The following DHX40 variants were observed in gnomAD, a reference collection of about 807,000 sequenced individuals.
DHX40 encodes the protein DEAH-box helicase 40, also known as probable ATP-dependent RNA helicase DHX40.
A neutral mutation model predicts 89.6 loss-of-function variants in DHX40; 28 were observed. The ratio of observed to expected loss-of-function variants is 0.31; its 90% confidence interval spans 0.23 to 0.43. The LOEUF (loss-of-function observed/expected upper bound fraction) is 0.43, where lower values mean the gene tolerates loss of function less well. DHX40 is among the 20% of genes least tolerant of loss of function. The probability of loss-of-function intolerance (pLI) is 1.00; values close to 1 mark genes in which losing one functional copy is unlikely to be tolerated. For missense variants in DHX40, 457 were observed against 844.0 expected, an observed-to-expected ratio of 0.54 and a Z score of 5.68; for synonymous variants, 226 against 283.6, an observed-to-expected ratio of 0.80 and a Z score of 2.04.
chr17:59,576,961 C>T (rs966107246), intron 7 of DHX40: 6 of 343,894 alleles, frequency 1.7e-5, no homozygotes, highest in African/African-American at 1.3e-4. Context: ...CCTCTGCCTC[C>T]CAGATTCAAG....
At position 59,566,629 on chromosome 17, in the gene DHX40, G is replaced by A. The variant is rs759142376; in HGVS notation, c.115G>A (p.Glu39Lys). 6.3e-7 allele frequency: 1 copy of A among 1,579,540 alleles called. No homozygotes were observed. The highest frequency in any genetic ancestry group is 2.1e-5 in the Admixed American group (1 of 48,462). Residue 39 changes from glutamate (E) to lysine (K), a missense_variant and splice_region_variant, in exon 2 of 18, where the codon GAG becomes AAG. Transcript: ENST00000251241. ...GACTTGTTTTTCTGTTATTACAGAA[G>A]AGAAAGGATGCACGTCCCAGGAGGG... ...LSAVCIADRE[E>K]KGCTSQEGGT...
intron 10 of DHX40, among the ~76,000 whole-genome samples, chr17:59,585,555 T>A (rs918101965): frequency 2.0e-5 from 3 of 150,276 alleles, no homozygotes; most frequent in African/African-American, 7.5e-5. Flanking sequence ...AAACCCTGTC[T>A]CTACTAAAAT....
intron 14 of DHX40, among the ~76,000 whole-genome samples, chr17:59,601,297 A>G (rs1318105619): frequency 6.6e-6 from 1 of 152,166 alleles, no homozygotes; most frequent in Non-Finnish European, 1.5e-5. Context: ...TGACAGAGTA[A>G]GACCCTGACT....
At position 59,607,152 on chromosome 17, in the gene DHX40, AC is replaced by A; in HGVS notation, c.2321del (p.Thr774AsnfsTer47). ...KQQRTQDHSDTRKETG is the reference protein window; with the variant it reads ...KQQRTQDHSDXRKETG ...GCAGAGGACCCAGGACCACAGTGAC[AC>A]ACGAAAGGAAACAGGCTAAGGTGGT... On this transcript the variant is annotated frameshift_variant, in exon 18 of 18. Coordinates refer to ENST00000251241, the MANE Select transcript of DHX40 (RefSeq NM_024612.5). LOFTEE classifies it high-confidence loss of function. The A allele has an allele frequency of 6.2e-7, 1 of 1,614,248 alleles. No individual in the cohort carries two copies. The highest frequency in any genetic ancestry group is 1.3e-5 in the African/African-American group (1 of 75,062).
In DHX40 at chr17:59,587,984, C is replaced by T; in HGVS notation, c.1513C>T (p.Leu505=). The T allele has an allele frequency of 6.2e-7, 1 of 1,613,708 alleles. No homozygotes were observed. Among genetic ancestry groups the T allele is most frequent in the Non-Finnish European group, 8.5e-7 (1 of 1,179,806 alleles). ...ATGTGCAGTAATAAAAGCTGCTTCC[C>T]TGGATTGTGAAGATCTACTACTTCC... ...LTCAVIKAAS[L]DCEDLLLPIA... is the part of the protein sequence containing the mutation. Residue 505 remains leucine, a synonymous_variant, in exon 12 of 18, where the codon CTG becomes TTG. Transcript: ENST00000251241.
intron 3 of DHX40, among the ~76,000 whole-genome samples, chr17:59,571,914 G>A (rs1044929370): frequency 6.6e-6 from 1 of 152,002 alleles, no homozygotes; most frequent in Non-Finnish European, 1.5e-5. Flanking sequence ...TGCCTACTCC[G>A]GGTACCTCAT....
At chr17:59,587,222 TTC>T (rs892822745) in intron 11 of DHX40, among the ~76,000 whole-genome samples, 73 of 63,248 alleles carry the variant, frequency 1.2e-3, no homozygotes, top group Middle Eastern at 0.018. Context: ...CAAAGACATC[TTC>T]TTTTTTTTTG....
At chr17:59,588,986 A>C (rs1187612335) in intron 12 of DHX40, among the ~76,000 whole-genome samples, 1 of 151,942 alleles carries the variant, frequency 6.6e-6, no homozygotes, top group Non-Finnish European at 1.5e-5. Flanking sequence ...ATATCAGCTG[A>C]CTATTCTTAT....
chr17:59,599,897 C>G (rs2143347119), intron 14 of DHX40, among the ~76,000 whole-genome samples: 1 of 149,442 alleles, frequency 6.7e-6, no homozygotes, highest in Admixed American at 6.7e-5. Flanking sequence ...GATCTCGGCT[C>G]ACTGCAATCT....
At position 59,596,957 on chromosome 17, in the gene DHX40, C is replaced by T. The variant is rs892410515; in HGVS notation, c.1583-1780C>T. Among the ~76,000 whole-genome samples the T allele has an allele frequency of 1.2e-4, 18 of 147,874 alleles. No individual in the cohort carries two copies. In the East Asian group the frequency reaches 3.4e-3, roughly 28 times the overall value. On this transcript the variant is annotated intron_variant, in intron 12 of 17. Coordinates refer to ENST00000251241, the MANE Select transcript of DHX40 (RefSeq NM_024612.5). ...ATAGGGAATAGGAATTGTGATGTGA[C>T]GTGTTAGATTGAAGGAAAGGATCCC... is the stretch of plus-strand genomic sequence containing the variant.
At chr17:59,596,526 C>T in intron 12 of DHX40, among the ~76,000 whole-genome samples, 1 of 152,172 alleles carries the variant, frequency 6.6e-6, no homozygotes, top group Non-Finnish European at 1.5e-5. Context: ...CAAGATTGCA[C>T]CACTGCACTC....
At chr17:59,567,239 C>T (rs554655871) in intron 2 of DHX40, among the ~76,000 whole-genome samples, 9 of 152,158 alleles carry the variant, frequency 5.9e-5, no homozygotes, top group Admixed American at 3.3e-4. Flanking sequence ...CTTTAAAATA[C>T]GTTAAGTAAA....
chr17:59,605,967 TAA>T (rs569471094), intron 17 of DHX40, among the ~76,000 whole-genome samples: 1 of 143,538 alleles, frequency 7.0e-6, no homozygotes, highest in Admixed American at 7.0e-5. Flanking sequence ...ACACTATCTC[TAA>T]AAAAAAAAAA....
intron 14 of DHX40, among the ~76,000 whole-genome samples, chr17:59,600,786 G>A (rs1348634667): frequency 6.6e-6 from 1 of 151,624 alleles, no homozygotes; most frequent in East Asian, 1.9e-4. Flanking sequence ...GTTTGAGGTT[G>A]CAGTGAGGTA....
In DHX40 at chr17:59,590,041, A is replaced by G. The variant is rs2049059510; in HGVS notation, c.1582+1988A>G. Among the ~76,000 whole-genome samples the G allele has an allele frequency of 2.0e-5, 3 of 151,996 alleles. 1 individual carries two copies. Among genetic ancestry groups the G allele is most frequent in the Admixed American group, 2.0e-4 (3 of 15,254 alleles). Reference sequence around the variant, plus strand: ...TTAATTTCCTTTCATTAGTAAAGGAAGATAGTGCTTTTATAGTACATTAGT... The same window carrying G: ...TTAATTTCCTTTCATTAGTAAAGGAGGATAGTGCTTTTATAGTACATTAGT... On this transcript the variant is annotated intron_variant, in intron 12 of 17. Transcript: ENST00000251241.
intron 14 of DHX40, among the ~76,000 whole-genome samples, 153 bp from the exon 15 acceptor site, chr17:59,602,369 A>G (rs1017031285): frequency 6.6e-6 from 1 of 151,904 alleles, no homozygotes; most frequent in African/African-American, 2.4e-5. Context: ...TATTTTTTCC[A>G]TTTTTTTGGT....
rs371437638 is a variant in DHX40, at chr17:59,605,695, A to G, written c.2200+21A>G. The G allele has an allele frequency of 4.4e-6, 7 of 1,588,804 alleles. No homozygotes were observed. The African/African-American group carries it at 5.4e-5, about 12-fold the overall frequency. On this transcript the variant is annotated intron_variant, in intron 17 of 17. Transcript: ENST00000251241. ...AAAGGGTGAGTAAATCATTTGTTCT[A>G]CTCTTAACCACTATGCCATACTGCT... is the stretch of plus-strand genomic sequence containing the variant.
At chr17:59,571,862 G>T (rs944776608) in intron 3 of DHX40, among the ~76,000 whole-genome samples, 1 of 152,098 alleles carries the variant, frequency 6.6e-6, no homozygotes, top group Admixed American at 6.5e-5. Flanking sequence ...AAACCACCGC[G>T]CCCTGCTGTA....
Position 59,566,679 on chromosome 17 carries a change from TC to T in DHX40, c.166del (p.Gln56ArgfsTer11). 6.2e-7 allele frequency: 1 copy of T among 1,606,528 alleles called. No homozygotes were observed. The highest frequency in any genetic ancestry group is 8.5e-7 in the Non-Finnish European group (1 of 1,178,136). On this transcript the variant is annotated frameshift_variant, in exon 2 of 18. Transcript: ENST00000251241. LOFTEE classifies it high-confidence loss of function. Reference sequence around the variant, plus strand: ...GAGGAACTACTCCAACTTTTCCTATTCAGAAACAAAGAAAAAAGATTATTCA... The same window carrying T: ...GAGGAACTACTCCAACTTTTCCTATTAGAAACAAAGAAAAAAGATTATTCA... ...EGGTTPTFPIQKQRKKIIQAV... is the reference protein window; with the variant it reads ...EGGTTPTFPIXKQRKKIIQAV...
Sources: allele counts gnomAD v4.1 joint callset (sites outside exome capture counted in the v4.1 genomes callset), GRCh38; gene constraint gnomAD v4.1.1; transcripts MANE v1.5; gene names NCBI Gene and HGNC (gene_info 2026-07-23, HGNC 2026-07-21).